KLHL29: variants seen among roughly 807,000 people sequenced by gnomAD.
KLHL29 encodes kelch-like protein 29.
A neutral mutation model predicts 80.4 loss-of-function variants in KLHL29; 21 were observed. That is an observed-to-expected ratio of 0.26 (90% CI 0.19 to 0.38). The LOEUF is 0.38. KLHL29 is among the 10% of genes least tolerant of loss of function. KLHL29 has a pLI of 1.00. For synonymous variants in KLHL29, 511 were observed against 526.8 expected (o/e 0.97, Z 0.41); for missense variants, 867 against 1,223.9 (o/e 0.71, Z 4.35).
intron 1 of KLHL29, among the ~76,000 whole-genome samples, chr2:23,390,637 T>C (rs1236695135): frequency 1.4e-5 from 2 of 147,504 alleles, no homozygotes; most frequent in Non-Finnish European, 3.0e-5. Context: ...ACACATAAAA[T>C]TTACCATCTT....
intron 1 of KLHL29, among the ~76,000 whole-genome samples, chr2:23,404,934 G>A (rs932571660): frequency 2.0e-5 from 3 of 152,176 alleles, no homozygotes; most frequent in South Asian, 2.1e-4. Flanking sequence ...CTAGGTCCAA[G>A]TTCTTTCCTT....
chr2:23,536,286 A>T (rs944282340), intron 2 of KLHL29, among the ~76,000 whole-genome samples: 3 of 152,248 alleles, frequency 2.0e-5, no homozygotes, highest in Non-Finnish European at 2.9e-5. Flanking sequence ...AACTCCCAGC[A>T]TCATGATTGG....
chr2:23,644,849 G>A (rs1468135932), intron 5 of KLHL29, among the ~76,000 whole-genome samples: 2 of 152,228 alleles, frequency 1.3e-5, no homozygotes, highest in African/African-American at 2.4e-5. Flanking sequence ...GAGGGCCAGG[G>A]ATGGGGTGGG....
chr2:23,638,400 C>T (rs1247242209), intron 3 of KLHL29, among the ~76,000 whole-genome samples: 14 of 148,978 alleles, frequency 9.4e-5, no homozygotes, highest in African/African-American at 3.0e-4. Flanking sequence ...TTTTTTTTTT[C>T]ACTCTGAGGT....
At chr2:23,543,343 C>T (rs1360867975) in intron 2 of KLHL29, among the ~76,000 whole-genome samples, 4 of 152,130 alleles carry the variant, frequency 2.6e-5, no homozygotes, top group Admixed American at 2.0e-4. Flanking sequence ...GCAGCGCCGG[C>T]GACCTCTGCC....
intron 4 of KLHL29, 71 bp from the exon 5 acceptor site, chr2:23,642,267 G>A: frequency 1.5e-6 from 2 of 1,345,798 alleles, no homozygotes; most frequent in Non-Finnish European, 1.9e-6. Flanking sequence ...CCAGTGCAGG[G>A]CCGGGGATGG....
rs1041485544 is a variant in KLHL29, at chr2:23,494,089, G to T, written c.-46+18422G>T. The stretch of plus-strand genomic sequence containing the variant: ...GAGAATACAAATTATAATAGTTGTC[G>T]TATAAGACCTCTGGGAAGCTTGAAC... On this transcript the variant is annotated intron_variant, in intron 2 of 13. Coordinates refer to ENST00000486442, the MANE Select transcript of KLHL29 (RefSeq NM_052920.2). 3.3e-5 allele frequency among the ~76,000 whole-genome samples: 5 copies of T among 152,256 alleles called. No homozygotes were observed. In the East Asian group the frequency reaches 7.7e-4, roughly 23 times the overall value.
chr2:23,565,460 C>T (rs1271754773), intron 3 of KLHL29, among the ~76,000 whole-genome samples: 1 of 152,202 alleles, frequency 6.6e-6, no homozygotes, highest in African/African-American at 2.4e-5. Context: ...AAGGAAAGAG[C>T]ATCTCAAACC....
intron 2 of KLHL29, among the ~76,000 whole-genome samples, chr2:23,510,303 C>T (rs562043053): frequency 5.9e-5 from 9 of 152,110 alleles, no homozygotes; most frequent in South Asian, 2.1e-4. Context: ...GCACCAGGGC[C>T]GCTGAGGTTT....
Position 23,569,092 on chromosome 2 carries a change from G to C in KLHL29, c.285+6611G>C, listed in dbSNP as rs116226797. 7.8e-3 allele frequency among the ~76,000 whole-genome samples: 1,184 copies of C among 152,344 alleles called. 15 individuals carry two copies. Among genetic ancestry groups the C allele is most frequent in the African/African-American group, 0.026 (1,093 of 41,568 alleles). ...TGATCCTGTCACCACTCCAGGGTTA[G>C]TGGGACTGGAACACTGCTGTCCCCA... On this transcript the variant is annotated intron_variant, in intron 3 of 13. Transcript: ENST00000486442.
intron 6 of KLHL29, chr2:23,689,251 C>G (rs1455825454): frequency 6.6e-6 from 1 of 152,294 alleles, no homozygotes; most frequent in African/African-American, 2.4e-5. Context: ...CCAGGAGGAA[C>G]AGAGCCACAG....
intron 2 of KLHL29, among the ~76,000 whole-genome samples, chr2:23,535,176 C>T (rs1458825810): frequency 6.6e-6 from 1 of 152,254 alleles, no homozygotes; most frequent in East Asian, 1.9e-4. Flanking sequence ...TTCCTGTGGC[C>T]TTGGGAAATG....
intron 2 of KLHL29, among the ~76,000 whole-genome samples, chr2:23,561,209 T>C (rs17045560): frequency 0.16 from 23,952 of 152,170 alleles, 2,958 homozygotes; most frequent in African/African-American, 0.32. Context: ...GACCGACAGC[T>C]TCCCCTGCGT....
intron 1 of KLHL29, among the ~76,000 whole-genome samples, chr2:23,392,246 A>C (rs1423035292): frequency 6.6e-6 from 1 of 152,236 alleles, no homozygotes; most frequent in African/African-American, 2.4e-5. Flanking sequence ...AATCCTGTTC[A>C]ATTTCAATCA....
chr2:23,491,558 C>T (rs1022776645), intron 2 of KLHL29, among the ~76,000 whole-genome samples: 1 of 66,610 alleles, frequency 1.5e-5, no homozygotes, highest in African/African-American at 5.2e-5. Flanking sequence ...GCTGGGCCAG[C>T]AGCTCTGCTC....
At chr2:23,467,349 T>C in intron 1 of KLHL29, among the ~76,000 whole-genome samples, 1 of 152,230 alleles carries the variant, frequency 6.6e-6, no homozygotes, top group Non-Finnish European at 1.5e-5. Flanking sequence ...GCTCCTAGGC[T>C]CTTTCCATAT....
chr2:23,473,415 G>C (rs1333600293), intron 1 of KLHL29, among the ~76,000 whole-genome samples: 2 of 152,090 alleles, frequency 1.3e-5, no homozygotes, highest in South Asian at 2.1e-4. Context: ...TAGCCAATGG[G>C]TCATTCACTT....
At chr2:23,665,332 T>G (rs749872144) in intron 5 of KLHL29, among the ~76,000 whole-genome samples, 2 of 152,182 alleles carry the variant, frequency 1.3e-5, no homozygotes, top group Non-Finnish European at 2.9e-5. Flanking sequence ...CTTGAAAAGT[T>G]GCTGTCACAG....
At chr2:23,514,156 G>T (rs1665856397) in intron 2 of KLHL29, among the ~76,000 whole-genome samples, 1 of 152,210 alleles carries the variant, frequency 6.6e-6, no homozygotes, top group Non-Finnish European at 1.5e-5. Flanking sequence ...GGCAGGGTTT[G>T]TAAGGGGGGA....
Sources: allele counts gnomAD v4.1 joint callset (sites outside exome capture counted in the v4.1 genomes callset), GRCh38; gene constraint gnomAD v4.1.1; transcripts MANE v1.5; gene names NCBI Gene and HGNC (gene_info 2026-07-23, HGNC 2026-07-21).